Variants in CSMD1 observed in about 807,000 individuals in gnomAD.
CSMD1 encodes the protein CUB and sushi domain-containing protein 1.
Under a neutral mutation model 417.5 loss-of-function variants are expected in CSMD1, and 213 were observed. The observed-to-expected ratio is 0.51, with a 90% CI of 0.46 to 0.57. The LOEUF is 0.57. Among genes scored for constraint, CSMD1 ranks in the 20% least tolerant of loss-of-function variants. The pLI is 0.00. For synonymous variants in CSMD1, 2,862 were observed against 1,736.8 expected (o/e 1.65, Z -16.11); for missense variants, 6,923 against 4,529.7 (o/e 1.53, Z -15.17).
intron 5 of CSMD1, among the ~76,000 whole-genome samples, chr8:3,962,451 G>C (rs1027968605): frequency 2.2e-4 from 33 of 152,236 alleles, no homozygotes; most frequent in African/African-American, 7.7e-4. Context: ...ATGTGAGAGG[G>C]AGCATGGATC....
intron 26 of CSMD1, among the ~76,000 whole-genome samples, chr8:3,281,804 T>C (rs146879833): frequency 6.6e-6 from 1 of 152,284 alleles, no homozygotes; most frequent in East Asian, 1.9e-4. Flanking sequence ...CCCACCCATG[T>C]TGAATTGTAA....
At chr8:3,919,264 C>T (rs1809053267) in intron 5 of CSMD1, among the ~76,000 whole-genome samples, 1 of 146,152 alleles carries the variant, frequency 6.8e-6, no homozygotes, top group Non-Finnish European at 1.5e-5. Flanking sequence ...ATGTTTTCTT[C>T]TAGGAGTTTT....
rs182836238 is a variant in CSMD1 at position 3,919,602 on chromosome 8, G to C, written c.818+78301C>G. ...AGCTGTGTTATTCTTGCTCAAGATT[G>C]CTTTGGTTATCTCTGGTCTTTTGTG... On this transcript the variant is annotated intron_variant, in intron 5 of 69. Coordinates refer to ENST00000635120, the MANE Select transcript of CSMD1 (RefSeq NM_033225.6). 2.3e-3 allele frequency among the ~76,000 whole-genome samples: 347 copies of C among 152,160 alleles called. 2 individuals carry two copies. Among genetic ancestry groups the C allele is most frequent in the African/African-American group, 7.7e-3 (319 of 41,528 alleles).
intron 41 of CSMD1, among the ~76,000 whole-genome samples, chr8:3,121,283 C>T (rs1255042173): frequency 6.6e-6 from 1 of 152,136 alleles, no homozygotes; most frequent in Non-Finnish European, 1.5e-5. Flanking sequence ...CTTTATTTAA[C>T]CTTTCAGCAT....
At chr8:4,896,736 C>G (rs1374702974) in intron 1 of CSMD1, among the ~76,000 whole-genome samples, 1 of 151,934 alleles carries the variant, frequency 6.6e-6, no homozygotes, top group East Asian at 1.9e-4. Flanking sequence ...GAGGAGTCCT[C>G]CGATTCTAAG....
chr8:2,982,720 G>C (rs745440395), intron 54 of CSMD1, among the ~76,000 whole-genome samples: 3 of 152,124 alleles, frequency 2.0e-5, no homozygotes, highest in Non-Finnish European at 4.4e-5. Context: ...TCCCTTCTTG[G>C]GGACAGGAAG....
intron 12 of CSMD1, among the ~76,000 whole-genome samples, chr8:3,434,902 G>A (rs772369644): frequency 6.6e-6 from 1 of 152,214 alleles, no homozygotes; most frequent in Non-Finnish European, 1.5e-5. Context: ...GAATACTTGT[G>A]ATTGGTTTAA....
chr8:3,939,900 A>T (rs1820435), intron 5 of CSMD1, among the ~76,000 whole-genome samples: 141,151 of 152,080 alleles, frequency 0.93, 65,578 homozygotes, highest in African/African-American at 0.98. Context: ...AAGACTACAT[A>T]TTGGGTTCAC....
At chr8:4,758,144 G>A (rs1050063916) in intron 1 of CSMD1, among the ~76,000 whole-genome samples, 2 of 151,956 alleles carry the variant, frequency 1.3e-5, no homozygotes, top group Non-Finnish European at 2.9e-5. Context: ...AACCAAAATG[G>A]TGGTGTTTTT....
At chr8:4,879,795 C>T (rs141793146) in intron 1 of CSMD1, among the ~76,000 whole-genome samples, 1 of 152,000 alleles carries the variant, frequency 6.6e-6, no homozygotes, top group African/African-American at 2.4e-5. Context: ...ATGCATTTAA[C>T]CATGTATGCA....
At chr8:4,932,324 C>T (rs1391785501) in intron 1 of CSMD1, among the ~76,000 whole-genome samples, 1 of 116,742 alleles carries the variant, frequency 8.6e-6, no homozygotes, top group Non-Finnish European at 1.8e-5. Flanking sequence ...TAACTACACA[C>T]TTGACATATT....
intron 49 of CSMD1, among the ~76,000 whole-genome samples, chr8:3,060,374 G>A (rs1186594876): frequency 6.6e-6 from 1 of 151,552 alleles, no homozygotes; most frequent in East Asian, 1.9e-4. Context: ...TTGAACTCCT[G>A]AACTCCTTGA....
At chr8:4,362,459 G>A (rs1023724125) in intron 3 of CSMD1, among the ~76,000 whole-genome samples, 2 of 152,170 alleles carry the variant, frequency 1.3e-5, no homozygotes, top group Admixed American at 1.3e-4. Flanking sequence ...AAGGTCCCTT[G>A]CTGATAAGAT....
intron 5 of CSMD1, among the ~76,000 whole-genome samples, chr8:3,917,700 T>A (rs1165274732): frequency 6.6e-6 from 1 of 152,146 alleles, no homozygotes; most frequent in Non-Finnish European, 1.5e-5. Context: ...CTAGATTGTT[T>A]TGGAGATACG....
At chr8:3,024,750 G>T (rs1347020338) in intron 51 of CSMD1, among the ~76,000 whole-genome samples, 1 of 152,210 alleles carries the variant, frequency 6.6e-6, no homozygotes. Flanking sequence ...TGGTTACCAT[G>T]TTGAGGAACT....
rs1366420272 is a variant in CSMD1, at chr8:3,729,933, A to C, written c.932-21442T>G. 9.3e-4 allele frequency among the ~76,000 whole-genome samples: 16 copies of C among 17,288 alleles called. 1 individual carries two copies. The East Asian group carries it at 0.017, about 18-fold the overall frequency. 11.3% of individuals were successfully genotyped at this position (17,288 alleles called of 152,430 possible). A position where few individuals can be genotyped will look rare whatever the true frequency, so the allele number is the denominator to read the frequency against. ...TTGCCAATTCAAAGTAAAAAAAAAAAAAAAAAAAAAAAAAAAAAAAAAAAA... is the reference window on the plus strand; with the variant it reads ...TTGCCAATTCAAAGTAAAAAAAAAACAAAAAAAAAAAAAAAAAAAAAAAAA... On this transcript the variant is annotated intron_variant, in intron 6 of 69. Transcript: ENST00000635120.
Position 3,930,792 on chromosome 8 carries a change from ACAAGGGT to A in CSMD1, c.818+67104_818+67110del, listed in dbSNP as rs1810087653. 1.3e-5 allele frequency among the ~76,000 whole-genome samples: 2 copies of A among 150,646 alleles called. 1 individual carries two copies. The highest frequency in any genetic ancestry group is 4.9e-5 in the African/African-American group (2 of 40,846). ...CAGGGAACAAGCATTTCTAACATGT[ACAAGGGT>A]CAAGATTTCTTATAAATTTGCACTT... On this transcript the variant is annotated intron_variant, in intron 5 of 69. Coordinates refer to ENST00000635120, the MANE Select transcript of CSMD1 (RefSeq NM_033225.6).
intron 39 of CSMD1, among the ~76,000 whole-genome samples, chr8:3,155,285 G>C (rs944534942): frequency 6.9e-6 from 1 of 144,152 alleles, no homozygotes; most frequent in Non-Finnish European, 1.5e-5. Flanking sequence ...TTGATGTTCT[G>C]TATGAATCAA....
At chr8:3,440,124 T>C (rs892247178) in intron 12 of CSMD1, among the ~76,000 whole-genome samples, 2 of 152,248 alleles carry the variant, frequency 1.3e-5, no homozygotes, top group Non-Finnish European at 2.9e-5. Context: ...AAAATTACTT[T>C]AGCTATTCCA....
Sources: allele counts gnomAD v4.1 joint callset (sites outside exome capture counted in the v4.1 genomes callset), GRCh38; gene constraint gnomAD v4.1.1; transcripts MANE v1.5; gene names NCBI Gene and HGNC (gene_info 2026-07-23, HGNC 2026-07-21).